ZRANB3: variants seen among roughly 807,000 people sequenced by gnomAD.
ZRANB3 encodes the protein DNA annealing helicase and endonuclease ZRANB3.
In ZRANB3, 125 loss-of-function variants were observed where a neutral mutation model predicts 133.8. The ratio of observed to expected loss-of-function variants is 0.93; its 90% CI spans 0.81 to 1.08. The LOEUF (loss-of-function observed/expected upper bound fraction) is 1.08. Ranked by LOEUF, ZRANB3 falls within the 50% of genes least tolerant of loss-of-function variation. The probability of loss-of-function intolerance (pLI) is 0.00; values close to 1 mark genes in which losing one functional copy is unlikely to be tolerated. For synonymous variants in ZRANB3, 387 were observed against 432.7 expected (o/e 0.89, Z 1.31); for missense variants, 1,229 against 1,275.5 (o/e 0.96, Z 0.56).
At chr2:135,318,210 TTTTGTGTGTGTGTGTGTG>T (rs901945327) in intron 6 of ZRANB3, among the ~76,000 whole-genome samples, 1 of 119,904 alleles carries the variant, frequency 8.3e-6, no homozygotes, top group Non-Finnish European at 1.6e-5. Context: ...TTACACACTA[TTTTGTGTGTGTGTGTGTG>T]TGTGTGTGTG....
chr2:135,245,852 G>A (rs1343453137), intron 12 of ZRANB3, among the ~76,000 whole-genome samples: 5 of 135,708 alleles, frequency 3.7e-5, no homozygotes, highest in Non-Finnish European at 7.8e-5. Flanking sequence ...CTTGAACCTG[G>A]GAGGCAGAGG....
chr2:135,301,787 T>A (rs536239317), intron 8 of ZRANB3, among the ~76,000 whole-genome samples: 20 of 152,286 alleles, frequency 1.3e-4, no homozygotes, highest in African/African-American at 4.8e-4. Context: ...TTCATAAGCA[T>A]CCTGTTTTTG....
At chr2:135,426,885 T>A (rs1297206845) in intron 2 of ZRANB3, among the ~76,000 whole-genome samples, 6 of 52,718 alleles carry the variant, frequency 1.1e-4, no homozygotes, top group Admixed American at 2.8e-4. Context: ...TATATATATA[T>A]ATATATATAT....
At chr2:135,488,354 C>G (rs938298489) in intron 2 of ZRANB3, among the ~76,000 whole-genome samples, 1 of 151,970 alleles carries the variant, frequency 6.6e-6, no homozygotes, top group Non-Finnish European at 1.5e-5. Flanking sequence ...TTAACACATA[C>G]TGTTGGAAAA....
Position 135,315,464 on chromosome 2 carries a change from T to C in ZRANB3, c.744A>G (p.Leu248=). The change falls in exon 7 of 21, where the codon CTA becomes CTG. Residue 248 remains leucine (L), a synonymous_variant. Coordinates refer to ENST00000264159, the MANE Select transcript of ZRANB3 (RefSeq NM_032143.4). ...GASNLNELHQ[L]LSDIMIRRLK... is the part of the protein sequence containing the mutation. Reference sequence around the variant, plus strand: ...ATCTTCTAATCATTATGTCACTTAATAGCTGGTGAAGTTCATTAAGATTTG... The same window carrying C: ...ATCTTCTAATCATTATGTCACTTAACAGCTGGTGAAGTTCATTAAGATTTG... 6.3e-7 allele frequency: 1 copy of C among 1,598,104 alleles called. No individual in the cohort carries two copies. Among genetic ancestry groups the C allele is most frequent in the Non-Finnish European group, 8.5e-7 (1 of 1,173,674 alleles).
chr2:135,431,457 C>T (rs762508515), intron 2 of ZRANB3, among the ~76,000 whole-genome samples: 1 of 151,666 alleles, frequency 6.6e-6, no homozygotes, highest in South Asian at 2.1e-4. Context: ...AGAGAAGACA[C>T]AAAAAGTATG....
At chr2:135,496,011 G>C (rs1332352921) in intron 2 of ZRANB3, among the ~76,000 whole-genome samples, 7 of 152,294 alleles carry the variant, frequency 4.6e-5, no homozygotes. Flanking sequence ...TTACCTGTGT[G>C]ATCTTGGAAA....
At chr2:135,276,211 C>CT (rs1219500978) in intron 8 of ZRANB3, among the ~76,000 whole-genome samples, 1 of 145,984 alleles carries the variant, frequency 6.9e-6, no homozygotes, top group East Asian at 2.0e-4. Flanking sequence ...AAATCAGGGA[C>CT]TGAAGCTTAA....
At chr2:135,211,596 AC>A (rs1352451458) in intron 17 of ZRANB3, among the ~76,000 whole-genome samples, 1 of 152,176 alleles carries the variant, frequency 6.6e-6, no homozygotes, top group Non-Finnish European at 1.5e-5. Context: ...TTTTCATTAT[AC>A]CTTTTATTTT....
chr2:135,451,586 A>C (rs1230513042), intron 2 of ZRANB3, among the ~76,000 whole-genome samples: 5 of 151,942 alleles, frequency 3.3e-5, no homozygotes, highest in African/African-American at 1.2e-4. Flanking sequence ...ACAAAAAAAA[A>C]ACAAACCACT....
At chr2:135,242,743 C>T (rs965609541) in intron 12 of ZRANB3, among the ~76,000 whole-genome samples, 4 of 152,138 alleles carry the variant, frequency 2.6e-5, no homozygotes, top group African/African-American at 9.6e-5. Flanking sequence ...TTTCCTATAT[C>T]TTTGTTCTAC....
chr2:135,389,067 G>A (rs1468723815), intron 3 of ZRANB3, among the ~76,000 whole-genome samples: 1 of 152,182 alleles, frequency 6.6e-6, no homozygotes, highest in African/African-American at 2.4e-5. Context: ...GACAGAGCGA[G>A]ACTCCTTCTC....
At chr2:135,342,422 T>G (rs1558930103) in intron 6 of ZRANB3, among the ~76,000 whole-genome samples, 1 of 149,888 alleles carries the variant, frequency 6.7e-6, no homozygotes. Flanking sequence ...ATTCTCAGTC[T>G]TCCAAATAAA....
intron 12 of ZRANB3, among the ~76,000 whole-genome samples, chr2:135,257,571 C>T (rs534227188): frequency 1.3e-5 from 2 of 152,320 alleles, no homozygotes; most frequent in African/African-American, 4.8e-5. Flanking sequence ...CTTCTAATTT[C>T]TCTACATCAT....
chr2:135,302,394 C>T (rs745412639), intron 8 of ZRANB3, among the ~76,000 whole-genome samples: 1 of 152,122 alleles, frequency 6.6e-6, no homozygotes, highest in Non-Finnish European at 1.5e-5. Flanking sequence ...CCTTCTGCTG[C>T]CATTAATCTT....
At chr2:135,223,844 T>C (rs1694650696) in intron 15 of ZRANB3, among the ~76,000 whole-genome samples, 2 of 152,120 alleles carry the variant, frequency 1.3e-5, no homozygotes, top group Admixed American at 6.5e-5. Context: ...TCAACACAAA[T>C]GGGCAGGTCT....
intron 2 of ZRANB3, among the ~76,000 whole-genome samples, chr2:135,475,715 TAC>T (rs1189310349): frequency 2.6e-5 from 4 of 152,196 alleles, no homozygotes; most frequent in African/African-American, 9.7e-5. Flanking sequence ...CACAAAAACA[TAC>T]ACAGTGCCAA....
chr2:135,296,264 G>A (rs1372704300), intron 8 of ZRANB3, among the ~76,000 whole-genome samples: 1 of 152,152 alleles, frequency 6.6e-6, no homozygotes, highest in Non-Finnish European at 1.5e-5. Context: ...TTTGTTGGAG[G>A]CTTTGTTCAT....
chr2:135,382,183 C>G (rs1477922453), intron 3 of ZRANB3, among the ~76,000 whole-genome samples: 1 of 152,192 alleles, frequency 6.6e-6, no homozygotes, highest in African/African-American at 2.4e-5. Flanking sequence ...GGCACGAGAA[C>G]TACGTGACGA....
Sources: gnomAD v4.1 joint callset for allele counts (sites outside exome capture counted in the v4.1 genomes callset) on GRCh38, gnomAD v4.1.1 for gene constraint, MANE v1.5 for transcripts, NCBI Gene and HGNC (gene_info 2026-07-23, HGNC 2026-07-21) for gene names.